Variants in MEF2C observed in about 807,000 individuals in gnomAD.
MEF2C encodes the protein myocyte enhancer factor 2C, also known as myocyte-specific enhancer factor 2C.
In MEF2C, 6 loss-of-function variants were observed where a neutral mutation model predicts 50.5. That is an observed-to-expected ratio of 0.12 (90% CI 0.07 to 0.23). The LOEUF (loss-of-function observed/expected upper bound fraction) is 0.23. Ranked by LOEUF, MEF2C falls within the 10% of genes least tolerant of loss-of-function variation. The pLI is 1.00. For synonymous variants in MEF2C, 183 were observed against 228.0 expected (o/e 0.80, Z 1.78); for missense variants, 276 against 605.0 (o/e 0.46, Z 5.70).
intron 6 of MEF2C, chr5:88,737,073 A>T (rs528118937): frequency 6.1e-4 from 599 of 985,006 alleles, no homozygotes; most frequent in Non-Finnish European, 6.5e-4. Context: ...AGATATATAG[A>T]ATATGCTAGA....
At chr5:88,902,293 A>G (rs1835747758) in intron 1 of MEF2C, among the ~76,000 whole-genome samples, 1 of 151,830 alleles carries the variant, frequency 6.6e-6, no homozygotes, top group South Asian at 2.1e-4. Context: ...GCATGACAAA[A>G]TATATATGAA....
At chr5:88,789,516 G>A (rs1792717093) in intron 3 of MEF2C, among the ~76,000 whole-genome samples, 1 of 151,784 alleles carries the variant, frequency 6.6e-6, no homozygotes, top group Admixed American at 6.6e-5. Context: ...CACCCATTGT[G>A]TAGTTTTACT....
chr5:88,735,864 A>G (rs1763851376), intron 6 of MEF2C: 1 of 985,260 alleles, frequency 1.0e-6, no homozygotes, highest in African/African-American at 1.7e-5. Context: ...GCTCTCTTTG[A>G]GCTCAAAGTT....
At chr5:88,734,807 T>G (rs956417275) in intron 6 of MEF2C, 3 of 979,498 alleles carry the variant, frequency 3.1e-6, no homozygotes, top group Non-Finnish European at 3.6e-6. Context: ...ATTTGGAAAT[T>G]ACGCCATTTT....
chr5:88,723,717 T>C (rs1757323085), intron 10 of MEF2C, among the ~76,000 whole-genome samples: 1 of 152,258 alleles, frequency 6.6e-6, no homozygotes, highest in African/African-American at 2.4e-5. Flanking sequence ...CACTCCCTGA[T>C]GCGTGCGGTT....
At chr5:88,731,686 C>T in intron 7 of MEF2C, 43 bp downstream of exon 7, 4 of 1,551,226 alleles carry the variant, frequency 2.6e-6, no homozygotes, top group Non-Finnish European at 3.5e-6. Context: ...AAAACATATA[C>T]AAAACATTAT....
intron 3 of MEF2C, among the ~76,000 whole-genome samples, chr5:88,784,420 T>C (rs1366239357): frequency 2.0e-5 from 3 of 152,220 alleles, no homozygotes; most frequent in African/African-American, 7.2e-5. Context: ...AAATTATGTA[T>C]AACATATAAC....
At chr5:88,740,904 ATTCT>A (rs781333675) in intron 6 of MEF2C, 458 of 985,312 alleles carry the variant, frequency 4.6e-4, no homozygotes, top group Non-Finnish European at 5.4e-4. Context: ...ACAATCGCTC[ATTCT>A]TTCAGTCATT....
intron 1 of MEF2C, among the ~76,000 whole-genome samples, chr5:88,842,529 G>A (rs549174494): frequency 1.4e-4 from 21 of 149,394 alleles, no homozygotes; most frequent in African/African-American, 4.7e-4. Context: ...CATTACAAAC[G>A]TCAACAATAT....
At chr5:88,777,897 TTC>T in intron 3 of MEF2C, among the ~76,000 whole-genome samples, 1 of 124,420 alleles carries the variant, frequency 8.0e-6, no homozygotes, top group African/African-American at 2.8e-5. Flanking sequence ...AATTTTTCTT[TTC>T]TTTTTTTTTT....
chr5:88,753,912 C>T (rs182121787), intron 4 of MEF2C, among the ~76,000 whole-genome samples: 2 of 152,286 alleles, frequency 1.3e-5, no homozygotes, highest in East Asian at 3.9e-4. Context: ...GCTGTAAAGT[C>T]GAAGTCTATA....
chr5:88,753,347 T>C (rs552420033), intron 4 of MEF2C, among the ~76,000 whole-genome samples: 1 of 152,306 alleles, frequency 6.6e-6, no homozygotes, highest in East Asian at 1.9e-4. Flanking sequence ...CTCTTTTCTT[T>C]CACACATCTT....
chr5:88,780,731 G>A (rs776902475), intron 3 of MEF2C: 3 of 974,790 alleles, frequency 3.1e-6, no homozygotes, highest in Non-Finnish European at 3.7e-6. Flanking sequence ...ATACTTCAAT[G>A]AAATCAATTA....
intron 3 of MEF2C, chr5:88,762,032 G>A (rs1322341004): frequency 6.6e-6 from 1 of 152,206 alleles, no homozygotes; most frequent in African/African-American, 2.4e-5. Flanking sequence ...AGCTGAGTAA[G>A]GAAGACGAAG....
chr5:88,724,218 G>C (rs1757590864), intron 10 of MEF2C, among the ~76,000 whole-genome samples: 1 of 152,106 alleles, frequency 6.6e-6, no homozygotes, highest in Non-Finnish European at 1.5e-5. Flanking sequence ...TTCCAGTGGA[G>C]AGAATTAGTT....
At chr5:88,862,875 C>T (rs956284143) in intron 1 of MEF2C, among the ~76,000 whole-genome samples, 5 of 152,208 alleles carry the variant, frequency 3.3e-5, no homozygotes, top group South Asian at 2.1e-4. Context: ...GTTGGCACTT[C>T]CTACTTCTGA....
At chr5:88,880,718 A>G (rs1832580121) in intron 1 of MEF2C, 1 of 152,040 alleles carries the variant, frequency 6.6e-6, no homozygotes, top group Non-Finnish European at 1.5e-5. Flanking sequence ...ACATGTTTAC[A>G]AAGAAGAAAA....
intron 1 of MEF2C, among the ~76,000 whole-genome samples, chr5:88,848,042 C>G (rs1415648994): frequency 6.6e-6 from 1 of 152,146 alleles, no homozygotes; most frequent in Non-Finnish European, 1.5e-5. Flanking sequence ...ATTCAGCACG[C>G]TTACAACTAT....
At chr5:88,893,006 T>C (rs1834756372) in intron 1 of MEF2C, among the ~76,000 whole-genome samples, 1 of 152,212 alleles carries the variant, frequency 6.6e-6, no homozygotes, top group Non-Finnish European at 1.5e-5. Context: ...TGATCAACAC[T>C]ACAGCTGTGT....
Sources: allele counts gnomAD v4.1 joint callset (sites outside exome capture counted in the v4.1 genomes callset), GRCh38; gene constraint gnomAD v4.1.1; transcripts MANE v1.5; gene names NCBI Gene and HGNC (gene_info 2026-07-23, HGNC 2026-07-21).